Variants in ST6GAL2 observed in about 807,000 individuals in gnomAD.
ST6GAL2 encodes the protein ST6 beta-galactoside alpha-2,6-sialyltransferase 2, also known as beta-galactoside alpha-2,6-sialyltransferase 2.
ST6GAL2 carries 24 observed loss-of-function variants against 37.5 expected under a neutral mutation model. The ratio of observed to expected loss-of-function variants is 0.64; its 90% CI spans 0.46 to 0.90. The LOEUF is 0.90. Ranked by LOEUF, ST6GAL2 falls within the 40% of genes least tolerant of loss-of-function variation. The pLI, the probability that ST6GAL2 is intolerant of heterozygous loss-of-function variation, is 0.00. For synonymous variants in ST6GAL2, 306 were observed against 295.1 expected, an observed-to-expected ratio of 1.04 and a Z score of -0.38; for missense variants, 715 against 712.7, an observed-to-expected ratio of 1.00 and a Z score of -0.04.
intron 1 of ST6GAL2, among the ~76,000 whole-genome samples, chr2:106,871,977 G>A (rs185878460): frequency 6.6e-6 from 1 of 152,200 alleles, no homozygotes; most frequent in Non-Finnish European, 1.5e-5. Flanking sequence ...ATTATGCCCT[G>A]TATATAATTG....
At chr2:106,875,006 C>A (rs1288051207) in intron 1 of ST6GAL2, among the ~76,000 whole-genome samples, 1 of 152,206 alleles carries the variant, frequency 6.6e-6, no homozygotes, top group East Asian at 1.9e-4. Flanking sequence ...TCTAAGCCAA[C>A]TTCTTTGGCT....
chr2:106,865,307 A>G (rs562199144), intron 1 of ST6GAL2, among the ~76,000 whole-genome samples: 1 of 152,322 alleles, frequency 6.6e-6, no homozygotes, highest in Admixed American at 6.5e-5. Flanking sequence ...TACTAATTGC[A>G]GGCATTTCAG....
chr2:106,872,752 C>A (rs373460977), intron 1 of ST6GAL2, among the ~76,000 whole-genome samples: 3 of 152,106 alleles, frequency 2.0e-5, no homozygotes, highest in East Asian at 3.9e-4. Flanking sequence ...CAGGCGCCCG[C>A]CACCACACCC....
chr2:106,807,102 T>C (rs1675442479), intron 5 of ST6GAL2, among the ~76,000 whole-genome samples, 153 bp from the exon 6 acceptor site: 1 of 152,152 alleles, frequency 6.6e-6, no homozygotes, highest in African/African-American at 2.4e-5. Context: ...TAACTTCCAT[T>C]AAGTGGTGTG....
rs1294806113 is a variant in ST6GAL2 at position 106,802,915 on chromosome 2, GGA to G, written c.*3761_*3762del. On this transcript the variant is annotated 3_prime_UTR_variant, in exon 6 of 6. Transcript: ENST00000409382. The stretch of plus-strand genomic sequence containing the variant: ...TGTGTGTTGATCTATAAGAAAAACT[GGA>G]GAGAGAACTTGAATCATGGCATTTG... 2 of 152,112 alleles carry G rather than the reference GGA, an allele frequency of 1.3e-5. No individual in the cohort carries two copies. Among genetic ancestry groups the G allele is most frequent in the African/African-American group, 2.4e-5 (1 of 41,438 alleles). 9.4% of individuals were successfully genotyped at this position (152,112 alleles called of 1,614,324 possible). A position where few individuals can be genotyped will look rare whatever the true frequency, so the allele number is the denominator to read the frequency against.
intron 5 of ST6GAL2, among the ~76,000 whole-genome samples, chr2:106,823,507 C>T (rs62155505): frequency 5.1e-5 from 7 of 137,222 alleles, no homozygotes; most frequent in African/African-American, 1.9e-4. Flanking sequence ...AGAGAGAGAT[C>T]GAGAGAGAGA....
chr2:106,882,945 C>T lies in ST6GAL2; in HGVS notation c.-58+3148G>A, dbSNP rs189186208. Among the ~76,000 whole-genome samples the T allele has an allele frequency of 2.0e-5, 3 of 152,316 alleles. No individual in the cohort carries two copies. In the East Asian group the frequency reaches 5.8e-4, roughly 29 times the overall value. On this transcript the variant is annotated intron_variant, in intron 1 of 5. Transcript: ENST00000409382. The stretch of plus-strand genomic sequence containing the variant: ...TCATTTCCATACACAGAACAATTCT[C>T]CCAACCAACCAGTAGGCCCTGGGTA...
intron 1 of ST6GAL2, among the ~76,000 whole-genome samples, chr2:106,875,808 A>G (rs1396638202): frequency 3.3e-5 from 5 of 152,242 alleles, no homozygotes; most frequent in Non-Finnish European, 7.3e-5. Context: ...GGAAGCTTCC[A>G]TATTATAATT....
intron 1 of ST6GAL2, among the ~76,000 whole-genome samples, chr2:106,875,726 C>G (rs1038202046): frequency 6.6e-6 from 1 of 152,170 alleles, no homozygotes; most frequent in Non-Finnish European, 1.5e-5. Context: ...TCCTGATGAG[C>G]TAGTTCTTTA....
intron 5 of ST6GAL2, among the ~76,000 whole-genome samples, chr2:106,812,084 C>T (rs1675632531): frequency 6.6e-6 from 1 of 152,092 alleles, no homozygotes; most frequent in African/African-American, 2.4e-5. Context: ...GAAGTGAGGC[C>T]TTGGGAAGTG....
intron 5 of ST6GAL2, among the ~76,000 whole-genome samples, chr2:106,827,825 A>C (rs1164420613): frequency 6.6e-6 from 1 of 152,204 alleles, no homozygotes; most frequent in African/African-American, 2.4e-5. Flanking sequence ...TGGTCAGTAC[A>C]GTGTTAGAAA....
chr2:106,843,668 C>G lies in ST6GAL2; in HGVS notation c.310G>C (p.Asp104His). 6.2e-7 allele frequency: 1 copy of G among 1,613,442 alleles called. No individual in the cohort carries two copies. Among genetic ancestry groups the G allele is most frequent in the Non-Finnish European group, 8.5e-7 (1 of 1,180,028 alleles). The stretch of plus-strand genomic sequence containing the variant: ...AAAAACTCTTTATGTTCAAACCCAT[C>G]TTGGGACTGGGCCCATTTCTGCAGG... ...GDLQKWAQSQ[D>H]GFEHKEFFSS... The change falls in exon 2 of 6, where the codon GAT becomes CAT. Residue 104 changes from aspartate (D) to histidine (H), a missense_variant. By Grantham distance (81) the Asp-to-His change is moderately conservative. Around this residue, in one of 3 missense-constraint regions of ST6GAL2, gnomAD observed 512 missense variants for 488.8 expected, o/e 1.05. Transcript: ENST00000409382.
intron 5 of ST6GAL2, among the ~76,000 whole-genome samples, chr2:106,812,747 A>G (rs566574804): frequency 6.6e-6 from 1 of 152,298 alleles, no homozygotes; most frequent in Non-Finnish European, 1.5e-5. Flanking sequence ...GATGTGGGGA[A>G]TTTACATCTG....
At chr2:106,817,910 A>G (rs1243022901) in intron 5 of ST6GAL2, among the ~76,000 whole-genome samples, 1 of 152,014 alleles carries the variant, frequency 6.6e-6, no homozygotes, top group Non-Finnish European at 1.5e-5. Flanking sequence ...CTTGGGCCTT[A>G]AATGTACATT....
At chr2:106,846,457 T>C (rs987350760) in intron 1 of ST6GAL2, among the ~76,000 whole-genome samples, 1 of 152,180 alleles carries the variant, frequency 6.6e-6, no homozygotes, top group African/African-American at 2.4e-5. Flanking sequence ...AATGGAAATG[T>C]TAAATAAGTT....
chr2:106,859,308 G>C (rs1335479747), intron 1 of ST6GAL2, among the ~76,000 whole-genome samples: 1 of 152,104 alleles, frequency 6.6e-6, no homozygotes, highest in Non-Finnish European at 1.5e-5. Flanking sequence ...GAAGTGGATG[G>C]AAAATACACA....
intron 5 of ST6GAL2, among the ~76,000 whole-genome samples, chr2:106,809,530 G>C (rs1396727400): frequency 6.6e-6 from 1 of 152,174 alleles, no homozygotes; most frequent in Non-Finnish European, 1.5e-5. Flanking sequence ...ATACTTAGGG[G>C]AGTATGTTAG....
chr2:106,862,559 C>T (rs1677846777), intron 1 of ST6GAL2, among the ~76,000 whole-genome samples: 2 of 151,984 alleles, frequency 1.3e-5, no homozygotes. Flanking sequence ...TTCTGGCTCT[C>T]TCAGAATGTA....
intron 1 of ST6GAL2, among the ~76,000 whole-genome samples, chr2:106,869,523 C>T (rs1678173779): frequency 6.6e-6 from 1 of 152,164 alleles, no homozygotes; most frequent in Admixed American, 6.5e-5. Flanking sequence ...CCAGCTCCCA[C>T]CCAGTCAGGG....
Sources: gnomAD v4.1 joint callset for allele counts (sites outside exome capture counted in the v4.1 genomes callset) on GRCh38, gnomAD v4.1.1 for gene constraint, gnomAD v4.1.1 regional missense constraint, MANE v1.5 for transcripts, NCBI Gene and HGNC (gene_info 2026-07-23, HGNC 2026-07-21) for gene names.